Variants in RPTOR observed in about 807,000 individuals in gnomAD.
RPTOR encodes the protein regulatory-associated protein of mTOR.
A neutral mutation model predicts 169.9 loss-of-function variants in RPTOR; 21 were observed. The observed-to-expected ratio is 0.12, with a 90% CI of 0.09 to 0.18. RPTOR has a LOEUF of 0.18. Ranked by LOEUF, RPTOR falls within the 10% of genes least tolerant of loss-of-function variation. RPTOR has a pLI of 1.00. For synonymous variants in RPTOR, 732 were observed against 753.2 expected (o/e 0.97, Z 0.46); for missense variants, 1,133 against 1,855.9 (o/e 0.61, Z 7.16).
intron 2 of RPTOR, among the ~76,000 whole-genome samples, chr17:80,639,592 G>A (rs1056842534): frequency 5.9e-5 from 9 of 152,192 alleles, no homozygotes; most frequent in Non-Finnish European, 8.8e-5. Flanking sequence ...CGCACTGTGG[G>A]CTTCTGAGGG....
chr17:80,961,771 G>A, intron 31 of RPTOR: 1 of 384,490 alleles, frequency 2.6e-6, no homozygotes, highest in Non-Finnish European at 4.7e-6. Context: ...CCCTCCACGG[G>A]CAGGGGTGGC....
chr17:80,705,128 G>C (rs1399066761), intron 3 of RPTOR, among the ~76,000 whole-genome samples: 5 of 152,244 alleles, frequency 3.3e-5, no homozygotes, highest in African/African-American at 1.2e-4. Context: ...GCTCCCTGTG[G>C]GCCAGCCCTG....
In RPTOR at chr17:80,892,917, T is replaced by C. The variant is rs764910643; in HGVS notation, c.2242+48T>C. ...ATTGGATTGGGAGAGATTGGGGTTG[T>C]TTTTTCTGAAACACTGTATCTGAGT... On this transcript the variant is annotated intron_variant, in intron 19 of 33. Coordinates refer to ENST00000306801, the MANE Select transcript of RPTOR (RefSeq NM_020761.3). The C allele has an allele frequency of 8.2e-6, 13 of 1,593,606 alleles. No individual in the cohort carries two copies. In the African/African-American group the frequency reaches 1.5e-4, roughly 18 times the overall value.
At chr17:80,932,819 G>GCA (rs1452894288) in intron 24 of RPTOR, among the ~76,000 whole-genome samples, 2 of 152,158 alleles carry the variant, frequency 1.3e-5, no homozygotes, top group Non-Finnish European at 2.9e-5. Flanking sequence ...ACATGCACGT[G>GCA]CACACACACA....
intron 7 of RPTOR, among the ~76,000 whole-genome samples, chr17:80,797,028 G>A (rs560534038): frequency 4.6e-5 from 7 of 152,232 alleles, no homozygotes; most frequent in Middle Eastern, 3.4e-3. Flanking sequence ...TGACTTCTCC[G>A]CTTAAAAACG....
At chr17:80,804,872 G>C (rs2067202312) in intron 7 of RPTOR, 1 of 152,252 alleles carries the variant, frequency 6.6e-6, no homozygotes, top group African/African-American at 2.4e-5. Flanking sequence ...GTTCCATGTG[G>C]ACCTGACAAA....
intron 3 of RPTOR, among the ~76,000 whole-genome samples, chr17:80,662,844 G>A (rs910823722): frequency 5.3e-5 from 8 of 152,108 alleles, no homozygotes; most frequent in Non-Finnish European, 1.0e-4. Context: ...TGAACCAGGA[G>A]GGGACCAGTT....
intron 6 of RPTOR, among the ~76,000 whole-genome samples, chr17:80,764,336 A>G (rs1478612063): frequency 1.7e-5 from 2 of 119,666 alleles, no homozygotes; most frequent in East Asian, 5.2e-4. Flanking sequence ...CAACAGGCCC[A>G]GAGTGTGATG....
chr17:80,654,875 C>T lies in RPTOR; in HGVS notation c.348+11065C>T, dbSNP rs923698554. Among the ~76,000 whole-genome samples the T allele has an allele frequency of 6.6e-5, 10 of 152,012 alleles. No homozygotes were observed. In the East Asian group the frequency reaches 7.7e-4, roughly 12 times the overall value. ...GCAGATAAATTGGAAAACTTGTATG[C>T]GATGCATAATTTTCTAGGAAAATAT... On this transcript the variant is annotated intron_variant, in intron 3 of 33. Coordinates refer to ENST00000306801, the MANE Select transcript of RPTOR (RefSeq NM_020761.3).
chr17:80,833,543 G>A (rs548526426), intron 9 of RPTOR, among the ~76,000 whole-genome samples: 6 of 152,336 alleles, frequency 3.9e-5, no homozygotes, highest in African/African-American at 1.2e-4. Flanking sequence ...ATGGCCTCTC[G>A]TGTGTACGTA....
chr17:80,755,135 C>G (rs1220601929), intron 6 of RPTOR, among the ~76,000 whole-genome samples: 1 of 152,134 alleles, frequency 6.6e-6, no homozygotes, highest in Non-Finnish European at 1.5e-5. Context: ...CCTCTGCAGC[C>G]AAGTCCAAAT....
At chr17:80,842,741 C>G (rs2067684892) in intron 10 of RPTOR, among the ~76,000 whole-genome samples, 2 of 152,218 alleles carry the variant, frequency 1.3e-5, no homozygotes, top group African/African-American at 4.8e-5. Flanking sequence ...GATGAGCATT[C>G]TGAGCAGACG....
Position 80,726,387 on chromosome 17 carries a change from C to A in RPTOR, c.508-4173C>A, listed in dbSNP as rs969168293. On this transcript the variant is annotated intron_variant, in intron 4 of 33. Coordinates refer to ENST00000306801, the MANE Select transcript of RPTOR (RefSeq NM_020761.3). The surrounding 1 kb of genome is among the most constrained non-coding windows in gnomAD (Gnocchi z 4.5). ...TGCTCGCCGCCCACAGATCACGGGG[C>A]GTGGAGGGAGAGACTGCCAGTGCTG... 1.6e-4 allele frequency among the ~76,000 whole-genome samples: 25 copies of A among 152,152 alleles called. No individual in the cohort carries two copies. Among genetic ancestry groups the A allele is most frequent in the Non-Finnish European group, 3.1e-4 (21 of 68,026 alleles).
At chr17:80,709,950 A>G (rs961737052) in intron 4 of RPTOR, among the ~76,000 whole-genome samples, 1 of 146,566 alleles carries the variant, frequency 6.8e-6, no homozygotes, top group African/African-American at 2.5e-5. Context: ...TTTTTTCTTC[A>G]TCTTCTTACA....
intron 3 of RPTOR, among the ~76,000 whole-genome samples, chr17:80,685,199 G>GCACCTCATTCGGAGT: frequency 1.7e-3 from 250 of 150,616 alleles, no homozygotes; most frequent in African/African-American, 3.9e-3. Flanking sequence ...ATTCAGGGTC[G>GCACCTCATTCGGAGT]CTTGTTGCGT....
At chr17:80,761,390 A>C (rs1443124687) in intron 6 of RPTOR, among the ~76,000 whole-genome samples, 2 of 152,204 alleles carry the variant, frequency 1.3e-5, no homozygotes, top group Admixed American at 6.5e-5. Context: ...AAGTTGAAGG[A>C]TTTCCAGGAC....
intron 3 of RPTOR, among the ~76,000 whole-genome samples, chr17:80,645,653 A>G (rs1328785551): frequency 1.3e-5 from 2 of 152,194 alleles, no homozygotes; most frequent in African/African-American, 4.8e-5. Context: ...CTGACAGGAA[A>G]TGGAATCTTC....
chr17:80,863,664 C>G (rs965675059), intron 13 of RPTOR, among the ~76,000 whole-genome samples: 3 of 152,232 alleles, frequency 2.0e-5, no homozygotes, highest in Admixed American at 6.5e-5. Flanking sequence ...TCTGTAATCT[C>G]AGCACTTTTG....
chr17:80,719,735 G>A (rs139905605), intron 4 of RPTOR, among the ~76,000 whole-genome samples: 39 of 152,252 alleles, frequency 2.6e-4, no homozygotes, highest in Middle Eastern at 3.4e-3. Context: ...GGGGGGAAGC[G>A]GTACTTGTGA....
Sources: gnomAD v4.1 joint callset for allele counts (sites outside exome capture counted in the v4.1 genomes callset) on GRCh38, gnomAD v4.1.1 for gene constraint, Gnocchi (gnomAD v3.1) non-coding constraint, MANE v1.5 for transcripts, NCBI Gene and HGNC (gene_info 2026-07-23, HGNC 2026-07-21) for gene names.